The following RNGTT variants were observed in gnomAD, a reference collection of about 807,000 sequenced individuals.
RNGTT encodes mRNA-capping enzyme.
Under a neutral mutation model 79.3 loss-of-function variants are expected in RNGTT, and 33 were observed. The ratio of observed to expected loss-of-function variants is 0.42; its 90% confidence interval spans 0.32 to 0.56. The LOEUF (loss-of-function observed/expected upper bound fraction) is 0.56, where lower values mean the gene tolerates loss of function less well. Ranked by LOEUF, RNGTT falls within the 20% of genes least tolerant of loss-of-function variation. The probability of loss-of-function intolerance (pLI) is 0.17; values close to 1 mark genes in which losing one functional copy is unlikely to be tolerated. For synonymous variants in RNGTT, 222 were observed against 235.9 expected, an observed-to-expected ratio of 0.94 and a Z score of 0.54; for missense variants, 497 against 739.1, an observed-to-expected ratio of 0.67 and a Z score of 3.80.
intron 13 of RNGTT, among the ~76,000 whole-genome samples, chr6:88,693,734 C>T (rs1168708982): frequency 1.3e-5 from 2 of 152,082 alleles, no homozygotes; most frequent in Non-Finnish European, 2.9e-5. Context: ...TTCAATAGCA[C>T]ATTAAAAGGA....
intron 13 of RNGTT, among the ~76,000 whole-genome samples, chr6:88,679,065 C>T (rs187930646): frequency 1.5e-4 from 23 of 152,042 alleles, no homozygotes; most frequent in African/African-American, 5.3e-4. Flanking sequence ...GCCTAGTCAA[C>T]GTGAAGATAA....
chr6:88,881,933 A>G (rs891252484), intron 8 of RNGTT, among the ~76,000 whole-genome samples: 5 of 152,188 alleles, frequency 3.3e-5, no homozygotes, highest in Non-Finnish European at 2.9e-5. Context: ...CTAATTCTCT[A>G]TAAGATTTAA....
intron 6 of RNGTT, among the ~76,000 whole-genome samples, chr6:88,904,401 C>G (rs1443996093): frequency 6.6e-6 from 1 of 151,940 alleles, no homozygotes; most frequent in Admixed American, 6.6e-5. Flanking sequence ...AAGTGAGAAC[C>G]TTCTCTACAG....
At chr6:88,817,783 G>A (rs1272001792) in intron 11 of RNGTT, among the ~76,000 whole-genome samples, 5 of 102,602 alleles carry the variant, frequency 4.9e-5, no homozygotes, top group African/African-American at 1.5e-4. Flanking sequence ...TTTTTGAGAC[G>A]GAGTCTCGCT....
rs1228029073 is a variant in RNGTT, at chr6:88,704,258, T to TCAAAAAAA, written c.1440-25847_1440-25840dup. On this transcript the variant is annotated intron_variant, in intron 13 of 15. Coordinates refer to ENST00000369485, the MANE Select transcript of RNGTT (RefSeq NM_003800.5). ...CTGGGTGACAGAGCGAGACTCTGTCTCAAAAAAAAAAAAAAAAAAAAAAAA... is the reference window on the plus strand; with the variant it reads ...CTGGGTGACAGAGCGAGACTCTGTCTCAAAAAAACAAAAAAAAAAAAAAAAAAAAAAAA... Among the ~76,000 whole-genome samples the TCAAAAAAA allele has an allele frequency of 5.1e-3, 73 of 14,238 alleles. 4 individuals carry two copies. Among genetic ancestry groups the TCAAAAAAA allele is most frequent in the African/African-American group, 0.026 (72 of 2,750 alleles). 9.3% of individuals were successfully genotyped at this position (14,238 alleles called of 152,430 possible). A position where few individuals can be genotyped will look rare whatever the true frequency, so the allele number is the denominator to read the frequency against.
intron 6 of RNGTT, among the ~76,000 whole-genome samples, chr6:88,898,550 T>C (rs1783329949): frequency 6.6e-6 from 1 of 151,928 alleles, no homozygotes; most frequent in African/African-American, 2.4e-5. Context: ...AGAAAGGTTC[T>C]ATTTGCTTTC....
At chr6:88,830,169 G>A (rs1780807530) in intron 11 of RNGTT, among the ~76,000 whole-genome samples, 1 of 152,074 alleles carries the variant, frequency 6.6e-6, no homozygotes, top group South Asian at 2.1e-4. Context: ...AAATGCAAAA[G>A]AACAGAAATC....
At chr6:88,638,135 C>G (rs980937923) in intron 14 of RNGTT, among the ~76,000 whole-genome samples, 1 of 152,038 alleles carries the variant, frequency 6.6e-6, no homozygotes. Flanking sequence ...ACAATGGAAT[C>G]TAAGCAAAAA....
intron 9 of RNGTT, among the ~76,000 whole-genome samples, chr6:88,852,704 C>T (rs184575753): frequency 6.6e-6 from 1 of 152,256 alleles, no homozygotes; most frequent in East Asian, 1.9e-4. Context: ...AATTACAGAA[C>T]TATTTCTCAA....
chr6:88,681,099 T>C (rs1423108938), intron 13 of RNGTT, among the ~76,000 whole-genome samples: 1 of 152,184 alleles, frequency 6.6e-6, no homozygotes, highest in Non-Finnish European at 1.5e-5. Context: ...ATTTCCTATA[T>C]AACAAATGTT....
chr6:88,781,932 C>T (rs1582454191), intron 12 of RNGTT, among the ~76,000 whole-genome samples: 1 of 152,038 alleles, frequency 6.6e-6, no homozygotes, highest in South Asian at 2.1e-4. Flanking sequence ...AACTGTTATC[C>T]CTATTATCAA....
Position 88,612,783 on chromosome 6 carries a change from T to A in RNGTT, c.1730A>T (p.His577Leu). ...CATGAGCTCCGTGTCAGGGTCCAGATGATGTTTTCGCTTCTGTCCTTGAGA... is the reference window on the plus strand; with the variant it reads ...CATGAGCTCCGTGTCAGGGTCCAGAAGATGTTTTCGCTTCTGTCCTTGAGA... ...AASQGQKRKHHLDPDTELMPP... is the reference protein window; with the variant it reads ...AASQGQKRKHLLDPDTELMPP... The change falls in exon 16 of 16, where the codon CAT becomes CTT. Residue 577 changes from histidine (H) to leucine (L), a missense_variant. Physicochemically the swap from His to Leu is moderately conservative, Grantham distance 99. This residue lies in a region of RNGTT where 53 missense variants were observed against 50.5 expected (regional missense o/e 1.05). Coordinates refer to ENST00000369485, the MANE Select transcript of RNGTT (RefSeq NM_003800.5). The A allele has an allele frequency of 6.2e-7, 1 of 1,613,554 alleles. No individual in the cohort carries two copies. Among genetic ancestry groups the A allele is most frequent in the East Asian group, 2.2e-5 (1 of 44,880 alleles).
chr6:88,848,156 A>C (rs541988920), intron 10 of RNGTT, among the ~76,000 whole-genome samples: 2 of 152,150 alleles, frequency 1.3e-5, no homozygotes, highest in African/African-American at 4.8e-5. Context: ...TTAAAACAGG[A>C]TGATACCATT....
chr6:88,883,165 T>C (rs965608616), intron 8 of RNGTT, among the ~76,000 whole-genome samples: 3 of 123,552 alleles, frequency 2.4e-5, no homozygotes, highest in Non-Finnish European at 4.9e-5. Flanking sequence ...CCAGACTCTT[T>C]ATGACAAAAA....
Position 88,864,491 on chromosome 6 carries a change from G to A in RNGTT, c.897-10727C>T, listed in dbSNP as rs150031040. Among the ~76,000 whole-genome samples the A allele has an allele frequency of 7.2e-4, 110 of 152,170 alleles. 2 individuals carry two copies. In the East Asian group the frequency reaches 0.018, roughly 25 times the overall value. ...AAGGTACCAGCATAGAAAATTATAT[G>A]GCACTCTACTATAGTGGTTAAGAAC... On this transcript the variant is annotated intron_variant, in intron 8 of 15. Transcript: ENST00000369485.
intron 2 of RNGTT, among the ~76,000 whole-genome samples, chr6:88,935,384 T>A (rs546524440): frequency 1.2e-4 from 19 of 152,258 alleles, no homozygotes; most frequent in African/African-American, 4.6e-4. Context: ...TCAAGATTGC[T>A]TTGGTTATTC....
At chr6:88,852,005 G>A (rs1026365985) in intron 9 of RNGTT, among the ~76,000 whole-genome samples, 2 of 151,510 alleles carry the variant, frequency 1.3e-5, no homozygotes, top group African/African-American at 2.4e-5. Context: ...CTCAGCCCAC[G>A]TCCATCAAAA....
chr6:88,889,727 C>T (rs1228465585), intron 8 of RNGTT, among the ~76,000 whole-genome samples: 1 of 152,012 alleles, frequency 6.6e-6, no homozygotes, highest in Non-Finnish European at 1.5e-5. Context: ...TAAAATGTTG[C>T]TGAGGAAGAA....
At chr6:88,736,282 C>G (rs1777281903) in intron 13 of RNGTT, among the ~76,000 whole-genome samples, 1 of 152,122 alleles carries the variant, frequency 6.6e-6, no homozygotes, top group Non-Finnish European at 1.5e-5. Context: ...TAATCTGTTT[C>G]AGAAAATAGA....
Sources: gnomAD v4.1 joint callset for allele counts (sites outside exome capture counted in the v4.1 genomes callset) on GRCh38, gnomAD v4.1.1 for gene constraint, gnomAD v4.1.1 regional missense constraint, MANE v1.5 for transcripts, NCBI Gene and HGNC (gene_info 2026-07-23, HGNC 2026-07-21) for gene names.